DISC1: variants seen among roughly 807,000 people sequenced by gnomAD.
DISC1 encodes the protein DISC1 scaffold protein.
A neutral mutation model predicts 84.5 loss-of-function variants in DISC1; 57 were observed. The ratio of observed to expected loss-of-function variants is 0.67; its 90% CI spans 0.55 to 0.84. DISC1 has a LOEUF of 0.84. Ranked by LOEUF, DISC1 falls within the 40% of genes least tolerant of loss-of-function variation. DISC1 has a pLI of 0.00. For missense variants in DISC1, 1,000 were observed against 1,057.8 expected, an observed-to-expected ratio of 0.95 and a Z score of 0.76; for synonymous variants, 411 against 415.2, an observed-to-expected ratio of 0.99 and a Z score of 0.12.
At position 231,757,295 on chromosome 1, in the gene DISC1, A is replaced by G. The variant is rs141307257; in HGVS notation, c.1268+7219A>G. Among the ~76,000 whole-genome samples, 1,166 of 152,286 alleles carry G rather than the reference A, an allele frequency of 7.7e-3. 22 individuals carry two copies. The highest frequency in any genetic ancestry group is 0.027 in the African/African-American group (1,116 of 41,556). On this transcript the variant is annotated intron_variant, in intron 4 of 12. Transcript: ENST00000439617. ...GAGTGTATTTTCAGGAGACTCACAG[A>G]TCTCCTGAGTTATTCGTTCACTCCT...
intron 10 of DISC1, chr1:231,959,400 C>G: frequency 2.0e-6 from 2 of 985,802 alleles, no homozygotes; most frequent in African/African-American, 3.5e-5. Flanking sequence ...TGCAGCATGA[C>G]AAGATGTTTC....
intron 8 of DISC1, among the ~76,000 whole-genome samples, chr1:231,808,463 G>C (rs559625387): frequency 1.3e-5 from 2 of 152,338 alleles, no homozygotes; most frequent in African/African-American, 4.8e-5. Flanking sequence ...CCCTTGTCCT[G>C]GAAGATGTGC....
intron 6 of DISC1, among the ~76,000 whole-genome samples, chr1:231,776,322 C>T (rs1310958566): frequency 6.6e-6 from 1 of 152,208 alleles, no homozygotes; most frequent in Non-Finnish European, 1.5e-5. Context: ...TTCCTCAGCT[C>T]CTCGGATTTT....
chr1:231,972,816 A>G (rs529790286), intron 10 of DISC1, among the ~76,000 whole-genome samples: 28 of 152,312 alleles, frequency 1.8e-4, no homozygotes, highest in African/African-American at 5.3e-4. Flanking sequence ...ACTCAAGAGT[A>G]AGAAACAAAT....
chr1:231,841,937 A>C (rs1461597783), intron 9 of DISC1, among the ~76,000 whole-genome samples: 1 of 152,194 alleles, frequency 6.6e-6, no homozygotes, highest in African/African-American at 2.4e-5. Flanking sequence ...CTTTTTGCAT[A>C]CTTTGTAATT....
chr1:231,969,869 G>A lies in DISC1; in HGVS notation c.2042+10981G>A, dbSNP rs544443760. 2.7e-3 allele frequency among the ~76,000 whole-genome samples: 404 copies of A among 151,920 alleles called. 2 individuals carry two copies. The highest frequency in any genetic ancestry group is 9.2e-3 in the African/African-American group (380 of 41,434). On this transcript the variant is annotated intron_variant, in intron 10 of 12. Coordinates refer to ENST00000439617, the MANE Select transcript of DISC1 (RefSeq NM_018662.3). ...ACCATGTTTGGTTTTTCGTCTTTGCGATAGTTTGCTGAGAATGATGGTTTC... is the reference window on the plus strand; with the variant it reads ...ACCATGTTTGGTTTTTCGTCTTTGCAATAGTTTGCTGAGAATGATGGTTTC...
At chr1:231,752,036 G>A (rs2074658708) in intron 4 of DISC1, among the ~76,000 whole-genome samples, 2 of 152,214 alleles carry the variant, frequency 1.3e-5, no homozygotes, top group African/African-American at 2.4e-5. Context: ...CAGCAGGTGA[G>A]TGCTGAGGGA....
At chr1:231,938,283 G>A (rs558068748) in intron 9 of DISC1, among the ~76,000 whole-genome samples, 1 of 152,140 alleles carries the variant, frequency 6.6e-6, no homozygotes, top group Non-Finnish European at 1.5e-5. Flanking sequence ...ACATGAGCCC[G>A]TACAAGTGGA....
chr1:231,846,987 G>A lies in DISC1; in HGVS notation c.1981+28470G>A, dbSNP rs112489446. ...CAATTAGAGAAGTACAGGAGAATTT[G>A]CTGTTTTCTCTGTTATTATAAAGAT... On this transcript the variant is annotated intron_variant, in intron 9 of 12. Transcript: ENST00000439617. Among the ~76,000 whole-genome samples the A allele has an allele frequency of 2.8e-3, 431 of 152,296 alleles. 2 individuals carry two copies. The highest frequency in any genetic ancestry group is 1.0e-2 in the African/African-American group (415 of 41,558).
chr1:231,752,254 C>G (rs987897795), intron 4 of DISC1, among the ~76,000 whole-genome samples: 3 of 152,176 alleles, frequency 2.0e-5, no homozygotes, highest in Non-Finnish European at 4.4e-5. Flanking sequence ...TTAATTGTCT[C>G]ATGGTTCTAC....
intron 3 of DISC1, among the ~76,000 whole-genome samples, chr1:231,733,995 CTGG>C (rs762431202): frequency 3.5e-5 from 5 of 143,588 alleles, no homozygotes; most frequent in Non-Finnish European, 6.1e-5. Context: ...GATGACCTGA[CTGG>C]TGGTGGTGGT....
intron 9 of DISC1, among the ~76,000 whole-genome samples, chr1:231,951,615 C>T (rs1387902739): frequency 6.6e-6 from 1 of 152,148 alleles, no homozygotes; most frequent in East Asian, 1.9e-4. Context: ...ATGACTGCTG[C>T]TTTTATCATT....
At chr1:231,808,205 T>G (rs932884860) in intron 8 of DISC1, among the ~76,000 whole-genome samples, 4 of 152,216 alleles carry the variant, frequency 2.6e-5, no homozygotes, top group Non-Finnish European at 5.9e-5. Flanking sequence ...TTTTCCTGAA[T>G]ATAGGAACCT....
intron 9 of DISC1, among the ~76,000 whole-genome samples, chr1:231,904,476 G>C (rs1302802033): frequency 6.6e-6 from 1 of 152,060 alleles, no homozygotes; most frequent in African/African-American, 2.4e-5. Flanking sequence ...AAGAAGAGAG[G>C]TACAAATAAG....
At chr1:231,795,978 A>G (rs1053188378) in intron 7 of DISC1, among the ~76,000 whole-genome samples, 1 of 152,168 alleles carries the variant, frequency 6.6e-6, no homozygotes, top group Non-Finnish European at 1.5e-5. Flanking sequence ...TTCCTCACAA[A>G]TAGAACAGTT....
rs2065936182 is a variant in DISC1 at position 231,698,050 on chromosome 1, G to A, written c.1047+3245G>A. Among the ~76,000 whole-genome samples, 1 of 152,136 alleles carries A rather than the reference G, an allele frequency of 6.6e-6. No individual in the cohort carries two copies. The highest frequency in any genetic ancestry group is 2.4e-5 in the African/African-American group (1 of 41,440). On this transcript the variant is annotated intron_variant, in intron 2 of 12. Coordinates refer to ENST00000439617, the MANE Select transcript of DISC1 (RefSeq NM_018662.3). The surrounding 1 kb of genome is among the most constrained non-coding windows in gnomAD (Gnocchi z 4.9). ...ACAGGTGCTCCAGAAACTTTATTCA[G>A]GCATGAGTTAGAGTGCTGTTGGCCA...
intron 10 of DISC1, among the ~76,000 whole-genome samples, chr1:231,959,868 C>T (rs1660133718): frequency 6.6e-6 from 1 of 152,210 alleles, no homozygotes; most frequent in South Asian, 2.1e-4. Flanking sequence ...CGCTCTGAGT[C>T]TGGCCTTCCT....
chr1:231,921,372 C>G (rs1260827439), intron 9 of DISC1, among the ~76,000 whole-genome samples: 1 of 152,198 alleles, frequency 6.6e-6, no homozygotes, highest in East Asian at 1.9e-4. Context: ...CTAAATGTGT[C>G]AGTCAGCTTC....
intron 9 of DISC1, chr1:231,818,848 T>A: frequency 8.9e-7 from 1 of 1,127,404 alleles, no homozygotes; most frequent in South Asian, 2.6e-5. Context: ...TATCTTCCTT[T>A]TGTCCCTTGG....
Sources: allele counts gnomAD v4.1 joint callset (sites outside exome capture counted in the v4.1 genomes callset), GRCh38; gene constraint gnomAD v4.1.1; non-coding constraint Gnocchi (gnomAD v3.1); transcripts MANE v1.5; gene names NCBI Gene and HGNC (gene_info 2026-07-23, HGNC 2026-07-21).